GMDS: variants seen among roughly 807,000 people sequenced by gnomAD.
The protein encoded by GMDS is GDP-mannose 4,6-dehydratase.
In GMDS, 20 loss-of-function variants were observed where a neutral mutation model predicts 49.9. That is an observed-to-expected ratio of 0.40 (90% CI 0.28 to 0.58). GMDS has a LOEUF of 0.58. GMDS is among the 20% of genes least tolerant of loss of function. GMDS has a pLI of 0.42. For synonymous variants in GMDS, 177 were observed against 178.6 expected, an observed-to-expected ratio of 0.99 and a Z score of 0.07; for missense variants, 362 against 481.4, an observed-to-expected ratio of 0.75 and a Z score of 2.32.
intron 7 of GMDS, among the ~76,000 whole-genome samples, chr6:1,898,324 T>G (rs1022095354): frequency 2.0e-5 from 3 of 152,238 alleles, no homozygotes; most frequent in Non-Finnish European, 4.4e-5. Flanking sequence ...TTTGGCAATT[T>G]AAAAATCAGA....
intron 7 of GMDS, among the ~76,000 whole-genome samples, chr6:1,797,044 T>C (rs1769765073): frequency 6.6e-6 from 1 of 152,128 alleles, no homozygotes; most frequent in South Asian, 2.1e-4. Flanking sequence ...CCAGTACCAG[T>C]ATATGGCCTG....
chr6:2,146,104 TAAC>T, intron 1 of GMDS, among the ~76,000 whole-genome samples: 1 of 152,166 alleles, frequency 6.6e-6, no homozygotes, highest in Non-Finnish European at 1.5e-5. Context: ...CACAGCGAAA[TAAC>T]GTTTCACACC....
At chr6:2,069,735 T>G (rs896363033) in intron 4 of GMDS, among the ~76,000 whole-genome samples, 1 of 152,194 alleles carries the variant, frequency 6.6e-6, no homozygotes, top group South Asian at 2.1e-4. Flanking sequence ...CTCACACCAG[T>G]TAGAATGGCA....
intron 4 of GMDS, among the ~76,000 whole-genome samples, chr6:1,998,263 G>C (rs957715120): frequency 2.0e-5 from 3 of 152,052 alleles, no homozygotes; most frequent in African/African-American, 7.2e-5. Flanking sequence ...ACTTCCAAGA[G>C]GATAAACAGC....
intron 7 of GMDS, among the ~76,000 whole-genome samples, chr6:1,789,344 T>C (rs1298510869): frequency 6.6e-6 from 1 of 152,116 alleles, no homozygotes; most frequent in Non-Finnish European, 1.5e-5. Context: ...CATGGTTGGC[T>C]TATCTAGCTT....
At chr6:1,821,234 T>G (rs1231685071) in intron 7 of GMDS, among the ~76,000 whole-genome samples, 1 of 152,154 alleles carries the variant, frequency 6.6e-6, no homozygotes, top group Non-Finnish European at 1.5e-5. Flanking sequence ...AAAACTCTCT[T>G]GCATTTCGGA....
chr6:2,196,137 A>G (rs1006382758), intron 1 of GMDS, among the ~76,000 whole-genome samples: 11 of 152,228 alleles, frequency 7.2e-5, no homozygotes, highest in African/African-American at 2.7e-4. Context: ...GCATTCTAAG[A>G]TTGTGTAAAA....
At chr6:1,793,766 C>T (rs890107180) in intron 7 of GMDS, among the ~76,000 whole-genome samples, 3 of 152,112 alleles carry the variant, frequency 2.0e-5, no homozygotes, top group Admixed American at 6.5e-5. Context: ...GCTTAGTATT[C>T]CTGGAGAAAC....
At chr6:1,701,593 G>A (rs4959147) in intron 9 of GMDS, among the ~76,000 whole-genome samples, 150,086 of 152,330 alleles carry the variant, frequency 0.99, 73,965 homozygotes, top group East Asian at 1. Context: ...GAAAAGATGC[G>A]TATTCAAATT....
At chr6:1,834,455 T>C (rs753489669) in intron 7 of GMDS, among the ~76,000 whole-genome samples, 17 of 152,168 alleles carry the variant, frequency 1.1e-4, no homozygotes, top group Non-Finnish European at 2.1e-4. Flanking sequence ...CATCTTTTCT[T>C]AGCGCTTGAC....
At chr6:1,675,852 CAA>C (rs70989197) in intron 9 of GMDS, among the ~76,000 whole-genome samples, 6 of 127,864 alleles carry the variant, frequency 4.7e-5, no homozygotes, top group Non-Finnish European at 4.9e-5. Flanking sequence ...GACTCTGTCT[CAA>C]AAAAAAAAAA....
chr6:1,732,881 G>A (rs1205954519), intron 8 of GMDS, among the ~76,000 whole-genome samples: 2 of 152,118 alleles, frequency 1.3e-5, no homozygotes, highest in Non-Finnish European at 1.5e-5. Context: ...AATAAAGAAG[G>A]GAAAAAAGAA....
At chr6:1,672,550 G>T (rs1433026685) in intron 9 of GMDS, among the ~76,000 whole-genome samples, 1 of 152,200 alleles carries the variant, frequency 6.6e-6, no homozygotes, top group Non-Finnish European at 1.5e-5. Context: ...CACAATGCCT[G>T]GTTTCCTTAA....
chr6:1,707,695 C>T (rs1765788097), intron 9 of GMDS, among the ~76,000 whole-genome samples: 1 of 152,186 alleles, frequency 6.6e-6, no homozygotes, highest in Non-Finnish European at 1.5e-5. Context: ...GCCCACCACA[C>T]ACAGGCCTGG....
At chr6:1,767,595 AG>A (rs1254182650) in intron 7 of GMDS, among the ~76,000 whole-genome samples, 1 of 152,166 alleles carries the variant, frequency 6.6e-6, no homozygotes, top group Non-Finnish European at 1.5e-5. Context: ...GGACTGAGAG[AG>A]ATGTTAAGCA....
intron 4 of GMDS, among the ~76,000 whole-genome samples, chr6:2,072,922 G>C (rs1016638208): frequency 3.9e-5 from 6 of 152,222 alleles, no homozygotes. Flanking sequence ...AGCTGAGTGT[G>C]TGACCTTTCT....
At chr6:1,769,347 G>A (rs947359453) in intron 7 of GMDS, among the ~76,000 whole-genome samples, 1 of 152,204 alleles carries the variant, frequency 6.6e-6, no homozygotes, top group Non-Finnish European at 1.5e-5. Context: ...AAAGCTGGAG[G>A]AAATAAAGAA....
intron 4 of GMDS, among the ~76,000 whole-genome samples, chr6:1,994,634 A>G (rs1766163729): frequency 6.6e-6 from 1 of 151,948 alleles, no homozygotes; most frequent in African/African-American, 2.4e-5. Flanking sequence ...TTACTGCACA[A>G]TCAGAAGTAT....
intron 1 of GMDS, among the ~76,000 whole-genome samples, chr6:2,125,305 A>AAAACAAAACAAAAC (rs1775359345): frequency 2.2e-5 from 3 of 134,386 alleles, no homozygotes; most frequent in African/African-American, 1.2e-4. Context: ...CAAAACAAAA[A>AAAACAAAACAAAAC]ATTGGTGGAG....
Sources: gnomAD v4.1 joint callset for allele counts (sites outside exome capture counted in the v4.1 genomes callset) on GRCh38, gnomAD v4.1.1 for gene constraint, MANE v1.5 for transcripts, NCBI Gene and HGNC (gene_info 2026-07-23, HGNC 2026-07-21) for gene names.